The following GART variants were observed in gnomAD, a reference collection of about 807,000 sequenced individuals.
GART encodes the protein trifunctional purine biosynthetic protein adenosine-3.
In GART, 43 loss-of-function variants were observed where a neutral mutation model predicts 107.2. The observed-to-expected ratio is 0.40, with a 90% CI of 0.31 to 0.52. The LOEUF is 0.52. Among genes scored for constraint, GART ranks in the 20% least tolerant of loss-of-function variants. The pLI is 0.52. For missense variants in GART, 1,107 were observed against 1,206.5 expected, an observed-to-expected ratio of 0.92 and a Z score of 1.22; for synonymous variants, 434 against 427.0, an observed-to-expected ratio of 1.02 and a Z score of -0.20.
intron 20 of GART, 109 bp downstream of exon 20, chr21:33,505,452 T>G: frequency 2.4e-6 from 2 of 838,032 alleles, no homozygotes; most frequent in South Asian, 2.3e-5. Flanking sequence ...CAAACAGGAG[T>G]TGGATTTCTG....
At chr21:33,516,086 A>C (rs563259862) in intron 16 of GART, among the ~76,000 whole-genome samples, 1 of 151,886 alleles carries the variant, frequency 6.6e-6, no homozygotes, top group African/African-American at 2.4e-5. Flanking sequence ...TGTCTCTACT[A>C]AAAATACAAA....
intron 4 of GART, among the ~76,000 whole-genome samples, chr21:33,533,163 G>T (rs1466381950): frequency 6.6e-6 from 1 of 152,196 alleles, no homozygotes; most frequent in African/African-American, 2.4e-5. Context: ...ATAGTGGCCA[G>T]GCGCGGTGGC....
intron 2 of GART, among the ~76,000 whole-genome samples, chr21:33,537,636 A>G (rs2085329966): frequency 6.6e-6 from 1 of 152,216 alleles, no homozygotes; most frequent in Non-Finnish European, 1.5e-5. Context: ...CTAACATTTA[A>G]GTGGAGCTCT....
intron 10 of GART, among the ~76,000 whole-genome samples, chr21:33,526,602 G>A (rs2085078485): frequency 6.6e-6 from 1 of 151,612 alleles, no homozygotes; most frequent in Non-Finnish European, 1.5e-5. Flanking sequence ...AATATGATCA[G>A]TACAATGCAA....
At chr21:33,525,187 C>G (rs2085049343) in intron 10 of GART, among the ~76,000 whole-genome samples, 187 bp from the exon 11 acceptor site, 1 of 151,304 alleles carries the variant, frequency 6.6e-6, no homozygotes, top group Admixed American at 6.6e-5. Context: ...GAGTTCGAGA[C>G]CAGCCTGGGC....
intron 18 of GART, 100 bp downstream of exon 18, chr21:33,509,683 C>A: frequency 7.9e-7 from 1 of 1,258,784 alleles, no homozygotes; most frequent in Admixed American, 2.2e-5. Context: ...CCCCCCAGTC[C>A]CTAGACTCTG....
rs546033954 is a variant in GART at position 33,526,724 on chromosome 21, ATTATTT to A, written c.1066+1437_1066+1442del. On this transcript the variant is annotated intron_variant, in intron 10 of 21. Transcript: ENST00000381815. The stretch of plus-strand genomic sequence containing the variant: ...TTCCTGCCCCTTCACTGTATTTTGA[ATTATTT>A]TTAAACTCTCAGATACAGCTTTATA... Among the ~76,000 whole-genome samples, 1,427 of 152,304 alleles carry A rather than the reference ATTATTT, an allele frequency of 9.4e-3. 12 individuals carry two copies. The highest frequency in any genetic ancestry group is 0.018 in the Admixed American group (273 of 15,300).
Position 33,506,022 on chromosome 21 carries a change from G to A in GART, c.2535C>T (p.Ala845=), listed in dbSNP as rs752302700. 2.5e-6 allele frequency: 4 copies of A among 1,614,152 alleles called. No individual in the cohort carries two copies. The African/African-American group carries it at 4.0e-5, about 16-fold the overall frequency. Residue 845 remains alanine (A), a synonymous_variant, in exon 19 of 22, where the codon GCC becomes GCT. Coordinates refer to ENST00000381815, the MANE Select transcript of GART (RefSeq NM_000819.5). ...AQIDIVISNK[A]AVAGLDKAER... ...CCGCTTTATCTAACCCAGCTACTGC[G>A]GCTTTGTTGGAGATAACAATATCAA...
intron 17 of GART, among the ~76,000 whole-genome samples, chr21:33,510,530 C>A (rs1171892316): frequency 1.3e-5 from 2 of 151,808 alleles, no homozygotes; most frequent in African/African-American, 4.8e-5. Flanking sequence ...CGGGGTTTCA[C>A]TGAGTTAGCC....
intron 16 of GART, among the ~76,000 whole-genome samples, chr21:33,515,761 T>C (rs546876506): frequency 1.3e-5 from 2 of 151,780 alleles, no homozygotes; most frequent in Admixed American, 1.3e-4. Flanking sequence ...TCCACTTCCC[T>C]TTTACCAGTA....
At chr21:33,527,945 T>C (rs570014501) in intron 10 of GART, among the ~76,000 whole-genome samples, 28 of 152,296 alleles carry the variant, frequency 1.8e-4, no homozygotes, top group African/African-American at 6.3e-4. Flanking sequence ...TTCTGCCACT[T>C]ATGTCTTCCT....
At chr21:33,526,697 A>G (rs1355784211) in intron 10 of GART, among the ~76,000 whole-genome samples, 6 of 152,188 alleles carry the variant, frequency 3.9e-5, no homozygotes, top group Non-Finnish European at 8.8e-5. Flanking sequence ...GTCAGCCCCA[A>G]ATTCCTGCCC....
chr21:33,540,768 A>G (rs1304182789), intron 1 of GART, among the ~76,000 whole-genome samples: 1 of 152,242 alleles, frequency 6.6e-6, no homozygotes, highest in Non-Finnish European at 1.5e-5. Context: ...TATTTTAAGA[A>G]AAATGTAAGC....
intron 5 of GART, 26 bp downstream of exon 5, chr21:33,532,318 TA>T (rs1569031862): frequency 1.3e-6 from 2 of 1,529,712 alleles, no homozygotes; most frequent in Admixed American, 1.7e-5. Flanking sequence ...AATAGAAAAG[TA>T]AATTTTTTCA....
intron 17 of GART, 103 bp from the exon 18 acceptor site, chr21:33,510,023 C>T: frequency 9.4e-7 from 1 of 1,062,322 alleles, no homozygotes. Context: ...ATGTTTTATC[C>T]TGAAAATAAG....
Position 33,530,772 on chromosome 21 carries a change from C to A in GART, c.710G>T (p.Cys237Phe). ...GPNTGGMGAY[C>F]PAPQVSNDLL... is the part of the protein sequence containing the mutation. ...TTCGGGAAGTACCTGAGGGGCTGGA[C>A]AATAGGCTCCCATTCCCCCTGTGTT... The change falls in exon 7 of 22, where the codon TGT (cysteine) becomes TTT (phenylalanine). Residue 237 changes from cysteine (C) to phenylalanine (F), a missense_variant. By Grantham distance (205) the Cys-to-Phe change is radical. Transcript: ENST00000381815. 1 of 1,505,110 alleles carries A rather than the reference C, an allele frequency of 6.6e-7. No homozygotes were observed. Among genetic ancestry groups the A allele is most frequent in the Non-Finnish European group, 8.8e-7 (1 of 1,132,032 alleles). The allele number at this position is 1,505,110 out of a possible 1,614,324, so 93.2% of individuals were successfully genotyped here. A position where few individuals can be genotyped will look rare whatever the true frequency, so the allele number is the denominator to read the frequency against.
In GART at chr21:33,534,672, C is replaced by G. The variant is rs1480740354; in HGVS notation, c.323G>C (p.Arg108Thr). 6.2e-7 allele frequency: 1 copy of G among 1,613,734 alleles called. No homozygotes were observed. The highest frequency in any genetic ancestry group is 1.7e-5 in the Admixed American group (1 of 59,970). ...AEAAQLESSKRFAKEFMDRHG... is the reference protein window; with the variant it reads ...AEAAQLESSKTFAKEFMDRHG... ...TCTGTCCATAAACTCTTTGGCAAAC[C>G]TTTTGCTGGACTCTAACTGAGCCGC... Residue 108 changes from arginine (R) to threonine (T), a missense_variant, in exon 4 of 22, where the codon AGG (arginine) becomes ACG (threonine). By Grantham distance (71) the Arg-to-Thr change is moderately conservative (BLOSUM62 -1). Coordinates refer to ENST00000381815, the MANE Select transcript of GART (RefSeq NM_000819.5).
chr21:33,529,000 A>T (rs2085131257), intron 7 of GART, 63 bp from the exon 8 acceptor site: 2 of 1,070,670 alleles, frequency 1.9e-6, no homozygotes, highest in East Asian at 4.8e-5. Flanking sequence ...GTAGTATTAC[A>T]TGGGACAACA....
intron 11 of GART, chr21:33,524,345 T>G (rs2085028348): frequency 1.2e-6 from 1 of 853,576 alleles, no homozygotes; most frequent in South Asian, 5.3e-5. Context: ...AGCCCAGGAT[T>G]TCAGACTGGC....
Sources: gnomAD v4.1 joint callset for allele counts (sites outside exome capture counted in the v4.1 genomes callset) on GRCh38, gnomAD v4.1.1 for gene constraint, MANE v1.5 for transcripts, NCBI Gene and HGNC (gene_info 2026-07-23, HGNC 2026-07-21) for gene names.